GRM8: variants seen among roughly 807,000 people sequenced by gnomAD.
GRM8 encodes the protein glutamate metabotropic receptor 8.
In GRM8, 47 loss-of-function variants were observed where a neutral mutation model predicts 87.2. That is an observed-to-expected ratio of 0.54 (90% CI 0.43 to 0.69). The LOEUF (loss-of-function observed/expected upper bound fraction) is 0.69. Among genes scored for constraint, GRM8 ranks in the 30% least tolerant of loss-of-function variants. GRM8 has a pLI of 0.00. For missense variants in GRM8, 1,019 were observed against 1,139.2 expected, an observed-to-expected ratio of 0.89 and a Z score of 1.52; for synonymous variants, 396 against 404.5, an observed-to-expected ratio of 0.98 and a Z score of 0.25.
chr7:126,866,576 C>A (rs1350574101), intron 6 of GRM8, among the ~76,000 whole-genome samples: 1 of 126,602 alleles, frequency 7.9e-6, no homozygotes, highest in Non-Finnish European at 1.6e-5. Context: ...TATACTTTGA[C>A]TCAATTTTTT....
At chr7:126,693,518 T>C (rs1809040190) in intron 7 of GRM8, among the ~76,000 whole-genome samples, 1 of 152,188 alleles carries the variant, frequency 6.6e-6, no homozygotes, top group Non-Finnish European at 1.5e-5. Flanking sequence ...TTTGTTAAAT[T>C]ATTATAAGCA....
intron 7 of GRM8, among the ~76,000 whole-genome samples, chr7:126,745,132 T>C (rs568669791): frequency 5.3e-5 from 8 of 151,814 alleles, no homozygotes; most frequent in African/African-American, 1.7e-4. Flanking sequence ...AGGACCAAAA[T>C]GTTTGAGAAC....
chr7:126,664,272 A>T (rs995303346), intron 7 of GRM8, among the ~76,000 whole-genome samples: 9 of 152,198 alleles, frequency 5.9e-5, no homozygotes, highest in Non-Finnish European at 1.0e-4. Flanking sequence ...TCTCTCATAG[A>T]GTTCGAAAAA....
intron 9 of GRM8, among the ~76,000 whole-genome samples, chr7:126,481,614 C>T (rs1246470584): frequency 6.6e-6 from 1 of 151,652 alleles, no homozygotes; most frequent in African/African-American, 2.4e-5. Context: ...GTTAACTGAC[C>T]AGTACTATTC....
intron 6 of GRM8, among the ~76,000 whole-genome samples, chr7:126,828,952 G>A (rs1315904820): frequency 8.6e-5 from 13 of 152,012 alleles, no homozygotes; most frequent in African/African-American, 1.4e-4. Context: ...CCTTCATTTC[G>A]TTATGTACCC....
At chr7:127,097,782 G>C (rs1239693333) in intron 3 of GRM8, among the ~76,000 whole-genome samples, 4 of 152,188 alleles carry the variant, frequency 2.6e-5, no homozygotes, top group Non-Finnish European at 5.9e-5. Flanking sequence ...AATTGAAAAA[G>C]AGGGATTTAA....
intron 2 of GRM8, among the ~76,000 whole-genome samples, chr7:127,114,508 G>A (rs1025126352): frequency 1.3e-5 from 2 of 152,082 alleles, no homozygotes; most frequent in East Asian, 3.8e-4. Flanking sequence ...ATTCCATTAT[G>A]GGCCAGGATG....
intron 1 of GRM8, among the ~76,000 whole-genome samples, chr7:127,250,651 C>G (rs957891441): frequency 6.6e-6 from 1 of 152,200 alleles, no homozygotes; most frequent in Non-Finnish European, 1.5e-5. Context: ...TCAAGCCACA[C>G]GTTTTCAAGA....
intron 2 of GRM8, among the ~76,000 whole-genome samples, chr7:127,145,393 C>A (rs985369655): frequency 2.6e-5 from 4 of 152,030 alleles, no homozygotes; most frequent in African/African-American, 7.2e-5. Flanking sequence ...TTTCAAGGAA[C>A]TTCTATATGT....
chr7:127,111,139 G>A (rs539074088), intron 2 of GRM8: 3 of 152,268 alleles, frequency 2.0e-5, no homozygotes, highest in African/African-American at 4.8e-5. Context: ...GAATTATCTC[G>A]AACGCAGTTC....
chr7:126,834,437 T>G (rs757204227), intron 6 of GRM8, among the ~76,000 whole-genome samples: 11 of 152,188 alleles, frequency 7.2e-5, no homozygotes, highest in Non-Finnish European at 1.5e-4. Context: ...ATAGTAATAA[T>G]AACAATAACA....
intron 7 of GRM8, among the ~76,000 whole-genome samples, chr7:126,734,859 C>T (rs1814019255): frequency 6.6e-6 from 1 of 151,908 alleles, no homozygotes; most frequent in South Asian, 2.1e-4. Context: ...ACTCTGGGAG[C>T]AGTGGTGAGA....
chr7:127,058,281 G>T (rs1820217809), intron 3 of GRM8: 1 of 375,480 alleles, frequency 2.7e-6, no homozygotes, highest in Non-Finnish European at 5.1e-6. Context: ...CACACTCCTG[G>T]TTGGTAGGCG....
At chr7:127,196,700 A>G (rs1795296841) in intron 2 of GRM8, among the ~76,000 whole-genome samples, 1 of 152,236 alleles carries the variant, frequency 6.6e-6, no homozygotes, top group Non-Finnish European at 1.5e-5. Flanking sequence ...GCAATAAAGC[A>G]GAGCCTTGAG....
At chr7:127,058,663 C>T (rs2132558962) in intron 3 of GRM8, among the ~76,000 whole-genome samples, 1 of 152,250 alleles carries the variant, frequency 6.6e-6, no homozygotes, top group East Asian at 1.9e-4. Flanking sequence ...GGATAGGAGG[C>T]AGATCCAGTC....
intron 7 of GRM8, among the ~76,000 whole-genome samples, chr7:126,714,104 T>G (rs1054210638): frequency 1.7e-4 from 25 of 149,890 alleles, no homozygotes; most frequent in African/African-American, 5.2e-4. Flanking sequence ...AAACCTCATC[T>G]TTACTAAAAA....
At chr7:126,958,664 A>G (rs1335724448) in intron 3 of GRM8, among the ~76,000 whole-genome samples, 1 of 152,182 alleles carries the variant, frequency 6.6e-6, no homozygotes, top group Non-Finnish European at 1.5e-5. Flanking sequence ...AGTGGGCATA[A>G]CAGGCCCTGT....
intron 8 of GRM8, among the ~76,000 whole-genome samples, chr7:126,581,069 G>A (rs1188381595): frequency 1.3e-5 from 2 of 152,014 alleles, no homozygotes; most frequent in Non-Finnish European, 2.9e-5. Flanking sequence ...CCAGTGTTCT[G>A]AGGAAGGCTT....
intron 6 of GRM8, among the ~76,000 whole-genome samples, chr7:126,887,983 A>G (rs1800659498): frequency 6.6e-6 from 1 of 152,176 alleles, no homozygotes; most frequent in Non-Finnish European, 1.5e-5. Context: ...GAGGCTGTCC[A>G]TGTATTGACA....
Sources: allele counts gnomAD v4.1 joint callset (sites outside exome capture counted in the v4.1 genomes callset), GRCh38; gene constraint gnomAD v4.1.1; transcripts MANE v1.5; gene names NCBI Gene and HGNC (gene_info 2026-07-23, HGNC 2026-07-21).